The following NKAIN3 variants were observed in gnomAD, a reference collection of about 807,000 sequenced individuals.
NKAIN3 encodes sodium/potassium-transporting ATPase subunit beta-1-interacting protein 3.
Under a neutral mutation model 30.2 loss-of-function variants are expected in NKAIN3, and 25 were observed. That is an observed-to-expected ratio of 0.83 (90% confidence interval 0.60 to 1.16). The LOEUF is 1.16. Among genes scored for constraint, NKAIN3 ranks in the 50% most tolerant of loss-of-function variants. NKAIN3 has a pLI of 0.00. For synonymous variants in NKAIN3, 91 were observed against 89.6 expected, an observed-to-expected ratio of 1.02 and a Z score of -0.09; for missense variants, 225 against 254.1, an observed-to-expected ratio of 0.89 and a Z score of 0.78.
intron 1 of NKAIN3, among the ~76,000 whole-genome samples, chr8:62,321,298 G>A (rs553260533): frequency 1.3e-5 from 2 of 152,244 alleles, no homozygotes; most frequent in East Asian, 3.9e-4. Flanking sequence ...TTAGCTCAGA[G>A]AAGTTTGATC....
chr8:62,834,292 T>G (rs1819290361), intron 4 of NKAIN3, among the ~76,000 whole-genome samples: 1 of 152,110 alleles, frequency 6.6e-6, no homozygotes, highest in Non-Finnish European at 1.5e-5. Context: ...CTCTCACTAC[T>G]ATTATTCTAC....
At chr8:62,843,537 G>C (rs1819590788) in intron 4 of NKAIN3, among the ~76,000 whole-genome samples, 1 of 151,746 alleles carries the variant, frequency 6.6e-6, no homozygotes, top group African/African-American at 2.4e-5. Flanking sequence ...GTTTCACCAT[G>C]TTGGCCAGGC....
chr8:62,486,554 A>C (rs989969742), intron 1 of NKAIN3, among the ~76,000 whole-genome samples: 1 of 152,176 alleles, frequency 6.6e-6, no homozygotes, highest in Non-Finnish European at 1.5e-5. Flanking sequence ...GCTAACCACA[A>C]GCTGAGTGGG....
At chr8:62,883,245 T>C (rs1821042200) in intron 4 of NKAIN3, among the ~76,000 whole-genome samples, 1 of 152,154 alleles carries the variant, frequency 6.6e-6, no homozygotes, top group South Asian at 2.1e-4. Flanking sequence ...GTCAGAGCTT[T>C]GTAATTTTCC....
chr8:62,633,313 T>C (rs1812025814), intron 3 of NKAIN3, among the ~76,000 whole-genome samples: 1 of 152,214 alleles, frequency 6.6e-6, no homozygotes, highest in African/African-American at 2.4e-5. Context: ...TCTTTTGCGT[T>C]GTTATTGATA....
At chr8:62,803,171 T>G (rs993156527) in intron 4 of NKAIN3, among the ~76,000 whole-genome samples, 3 of 152,140 alleles carry the variant, frequency 2.0e-5, no homozygotes, top group African/African-American at 7.2e-5. Context: ...AATGGGAGAC[T>G]TTAACACCCC....
chr8:62,456,888 A>G (rs1024628235), intron 1 of NKAIN3, among the ~76,000 whole-genome samples: 9 of 152,250 alleles, frequency 5.9e-5, no homozygotes, highest in Non-Finnish European at 1.0e-4. Flanking sequence ...ACATAGTTCT[A>G]GGCACTACTT....
intron 1 of NKAIN3, among the ~76,000 whole-genome samples, chr8:62,556,314 A>G (rs1809384121): frequency 6.6e-6 from 1 of 151,832 alleles, no homozygotes; most frequent in Admixed American, 6.6e-5. Flanking sequence ...TACCTTTTGT[A>G]GGGTAACTAA....
In NKAIN3 at chr8:62,680,432, A is replaced by G. The variant is rs1813613768; in HGVS notation, c.274-66500A>G. On this transcript the variant is annotated intron_variant, in intron 3 of 6. Transcript: ENST00000623646. ...TCAGTTGTTATAGCAGGCATAGAAA[A>G]CTAATATAGATAGTAAAAGACATCT... 2.0e-5 allele frequency among the ~76,000 whole-genome samples: 3 copies of G among 152,316 alleles called. No individual in the cohort carries two copies. In the South Asian group the frequency reaches 6.2e-4, roughly 32 times the overall value.
chr8:62,667,283 A>T (rs1251204668), intron 3 of NKAIN3, among the ~76,000 whole-genome samples: 1 of 146,476 alleles, frequency 6.8e-6, no homozygotes, highest in Non-Finnish European at 1.5e-5. Context: ...TGTACCCTAG[A>T]TCTTAAAGTA....
At chr8:62,521,171 G>A (rs1808143272) in intron 1 of NKAIN3, among the ~76,000 whole-genome samples, 1 of 151,798 alleles carries the variant, frequency 6.6e-6, no homozygotes, top group East Asian at 2.0e-4. Flanking sequence ...TTAGTTGCAG[G>A]CCTTCCTGAA....
chr8:62,268,443 G>T (rs192705934), intron 1 of NKAIN3, among the ~76,000 whole-genome samples: 1 of 152,260 alleles, frequency 6.6e-6, no homozygotes, highest in African/African-American at 2.4e-5. Context: ...GGGACACCTA[G>T]CTGCATGACC....
chr8:62,402,366 C>T (rs1803901837), intron 1 of NKAIN3, among the ~76,000 whole-genome samples: 1 of 152,132 alleles, frequency 6.6e-6, no homozygotes, highest in African/African-American at 2.4e-5. Flanking sequence ...CTCTAAGAGC[C>T]AAGACCTGGA....
chr8:62,544,700 T>A (rs1344582101), intron 1 of NKAIN3, among the ~76,000 whole-genome samples: 1 of 144,018 alleles, frequency 6.9e-6, no homozygotes, highest in Non-Finnish European at 1.5e-5. Flanking sequence ...TTCTAAGTGT[T>A]TACAATATTT....
At chr8:62,487,120 T>G (rs1178302809) in intron 1 of NKAIN3, among the ~76,000 whole-genome samples, 1 of 152,192 alleles carries the variant, frequency 6.6e-6, no homozygotes, top group Non-Finnish European at 1.5e-5. Flanking sequence ...GCCTGAACAT[T>G]TAAAATATCA....
chr8:62,736,184 C>T (rs1815665614), intron 3 of NKAIN3, among the ~76,000 whole-genome samples: 1 of 152,188 alleles, frequency 6.6e-6, no homozygotes, highest in Non-Finnish European at 1.5e-5. Context: ...AGGATATAGG[C>T]TTGCCCTAGG....
chr8:62,476,701 C>T (rs1163069085), intron 1 of NKAIN3, among the ~76,000 whole-genome samples: 6 of 152,050 alleles, frequency 3.9e-5, no homozygotes, highest in Non-Finnish European at 8.8e-5. Context: ...GTGATCCTCC[C>T]GCCTCTGCCT....
intron 4 of NKAIN3, among the ~76,000 whole-genome samples, chr8:62,836,940 G>C (rs766009075): frequency 3.3e-5 from 5 of 152,064 alleles, no homozygotes; most frequent in African/African-American, 9.7e-5. Context: ...AGTTTTCCTG[G>C]AAAGTTGAAG....
At chr8:62,790,567 G>T (rs561892149) in intron 4 of NKAIN3, among the ~76,000 whole-genome samples, 4 of 86,492 alleles carry the variant, frequency 4.6e-5, no homozygotes, top group African/African-American at 1.3e-4. Flanking sequence ...GTGTGTGTGT[G>T]TCTGTCTGTC....
Sources: gnomAD v4.1 joint callset for allele counts (sites outside exome capture counted in the v4.1 genomes callset) on GRCh38, gnomAD v4.1.1 for gene constraint, MANE v1.5 for transcripts, NCBI Gene and HGNC (gene_info 2026-07-23, HGNC 2026-07-21) for gene names.